Variants in ANKS3 observed in about 807,000 individuals in gnomAD.
The protein encoded by ANKS3 is ankyrin repeat and SAM domain-containing protein 3.
In ANKS3, 62 loss-of-function variants were observed where a neutral mutation model predicts 80.7. The observed-to-expected ratio is 0.77, with a 90% CI of 0.63 to 0.95. The LOEUF (loss-of-function observed/expected upper bound fraction) is 0.95. Ranked by LOEUF, ANKS3 falls within the 40% of genes least tolerant of loss-of-function variation. The pLI is 0.00. For synonymous variants in ANKS3, 489 were observed against 355.3 expected (o/e 1.38, Z -4.23); for missense variants, 1,150 against 883.6 (o/e 1.30, Z -3.82).
In ANKS3 at chr16:4,702,079, C is replaced by T. The variant is rs371759109; in HGVS notation, c.1009+23G>A. The T allele has an allele frequency of 5.6e-5, 88 of 1,557,552 alleles. No homozygotes were observed. In the East Asian group the frequency reaches 7.2e-4, roughly 13 times the overall value. On this transcript the variant is annotated intron_variant, in intron 9 of 17. Transcript: ENST00000304283. The stretch of plus-strand genomic sequence containing the variant: ...TCCAGGACCTGCCTGAGCCACGGGC[C>T]GGATGGGTGGGGGTGCACGTACCCC...
At position 4,697,041 on chromosome 16, in the gene ANKS3, C is replaced by A. The variant is rs747592487; in HGVS notation, c.1958G>T (p.Trp653Leu). Reference sequence around the variant, plus strand: ...CCGGCCCGCAGGCTAGGTCTCCCGCCACTTCTTCCCGTTCAGCACCTGCAG... The same window carrying A: ...CCGGCCCGCAGGCTAGGTCTCCCGCAACTTCTTCCCGTTCAGCACCTGCAG... ...EKLQVLNGKK[W>L]RET The change falls in exon 17 of 18, where the codon TGG (tryptophan) becomes TTG (leucine). Residue 653 changes from tryptophan to leucine, a missense_variant. Trp to Leu is a moderately conservative substitution (Grantham distance 61, BLOSUM62 -2). Coordinates refer to ENST00000304283, the MANE Select transcript of ANKS3 (RefSeq NM_133450.4). 6.2e-7 allele frequency: 1 copy of A among 1,613,838 alleles called. No individual in the cohort carries two copies. Among genetic ancestry groups the A allele is most frequent in the African/African-American group, 1.3e-5 (1 of 75,048 alleles).
In ANKS3 at chr16:4,705,110, G is replaced by T; in HGVS notation, c.853C>A (p.Pro285Thr). Residue 285 changes from proline (P) to threonine (T), a missense_variant, in exon 8 of 18, where the codon CCA becomes ACA. Physicochemically the swap from Pro to Thr is conservative, Grantham distance 38. Transcript: ENST00000304283. Reference sequence around the variant, plus strand: ...GGCCACTCACCATAGCGAGGCCGTGGGGCTCTGCCGCCCAGGCCAATGCCT... The same window carrying T: ...GGCCACTCACCATAGCGAGGCCGTGTGGCTCTGCCGCCCAGGCCAATGCCT... ...ITGIGLGGRA[P>T]RPRYEQAPPR... The T allele has an allele frequency of 6.2e-7, 1 of 1,612,658 alleles. No individual in the cohort carries two copies. Among genetic ancestry groups the T allele is most frequent in the East Asian group, 2.2e-5 (1 of 44,880 alleles).
chr16:4,711,445 G>A (rs968396918), intron 7 of ANKS3, among the ~76,000 whole-genome samples: 2 of 151,834 alleles, frequency 1.3e-5, no homozygotes, highest in African/African-American at 4.8e-5. Flanking sequence ...TTGGCCGGGT[G>A]CGGTGGCTCA....
At chr16:4,712,949 G>T (rs1231547435) in intron 7 of ANKS3, among the ~76,000 whole-genome samples, 1 of 152,026 alleles carries the variant, frequency 6.6e-6, no homozygotes. Context: ...AACAATGTAA[G>T]AATTCTGTAA....
rs553756778 is a variant in ANKS3, at chr16:4,730,246, C to G, written c.-2-95G>C. On this transcript the variant is annotated intron_variant, in intron 2 of 17. Coordinates refer to ENST00000304283, the MANE Select transcript of ANKS3 (RefSeq NM_133450.4). ...TGCCCCTGCTACACCACTGCACTAGCAGACTGATAACCCAGTGCAGTCAAC... is the reference window on the plus strand; with the variant it reads ...TGCCCCTGCTACACCACTGCACTAGGAGACTGATAACCCAGTGCAGTCAAC... The G allele has an allele frequency of 2.6e-3, 3,266 of 1,237,030 alleles. 11 individuals carry two copies. Among genetic ancestry groups the G allele is most frequent in the South Asian group, 6.4e-3 (300 of 47,082 alleles). 76.6% of individuals were successfully genotyped at this position (1,237,030 alleles called of 1,614,324 possible).
At chr16:4,712,500 G>A (rs1389158870) in intron 7 of ANKS3, among the ~76,000 whole-genome samples, 1 of 152,144 alleles carries the variant, frequency 6.6e-6, no homozygotes, top group African/African-American at 2.4e-5. Context: ...AGTACAACAT[G>A]TGGGATTTAT....
rs763336792 is a variant in ANKS3, at chr16:4,702,059, G to GGC, written c.1009+42_1009+43insGC. 3.3e-6 allele frequency: 5 copies of GGC among 1,535,676 alleles called. No individual in the cohort carries two copies. The African/African-American group carries it at 5.6e-5, about 17-fold the overall frequency. ...GGGGATGGGCACACAGGAGCTCCAG[G>GGC]ACCTGCCTGAGCCACGGGCCGGATG... On this transcript the variant is annotated intron_variant, in intron 9 of 17. Coordinates refer to ENST00000304283, the MANE Select transcript of ANKS3 (RefSeq NM_133450.4).
At chr16:4,730,757 T>G (rs544927054) in intron 2 of ANKS3, among the ~76,000 whole-genome samples, 4 of 151,738 alleles carry the variant, frequency 2.6e-5, no homozygotes, top group Non-Finnish European at 2.9e-5. Context: ...GAGGCTGAGG[T>G]AGGAGCATCA....
At chr16:4,730,187 G>C in intron 2 of ANKS3, 36 bp from the exon 3 acceptor site, 1 of 1,451,274 alleles carries the variant, frequency 6.9e-7, no homozygotes, top group South Asian at 1.5e-5. Flanking sequence ...ATCTTTCCTG[G>C]CTGGTTGTTC....
At chr16:4,719,075 C>G (rs1443104027) in intron 6 of ANKS3, among the ~76,000 whole-genome samples, 1 of 152,194 alleles carries the variant, frequency 6.6e-6, no homozygotes, top group Non-Finnish European at 1.5e-5. Context: ...TGGTTCCTGC[C>G]TGTAATCCCA....
In ANKS3 at chr16:4,721,484, A is replaced by G. The variant is rs1036794184; in HGVS notation, c.573+3266T>C. ...AAATTGGCTGGGCGTGGTGGCACGC[A>G]CCTGTAATCCCAGCTACTTGGGAGG... On this transcript the variant is annotated intron_variant, in intron 6 of 17. Transcript: ENST00000304283. Among the ~76,000 whole-genome samples the G allele has an allele frequency of 4.8e-5, 7 of 146,224 alleles. No homozygotes were observed. In the East Asian group the frequency reaches 1.2e-3, roughly 26 times the overall value.
chr16:4,714,347 C>T (rs969391770), intron 6 of ANKS3, 161 bp from the exon 7 acceptor site: 3 of 1,075,484 alleles, frequency 2.8e-6, no homozygotes, highest in South Asian at 1.6e-5. Flanking sequence ...CTTGTCTGCA[C>T]CGCAGCCACA....
intron 10 of ANKS3, 104 bp from the exon 11 acceptor site, chr16:4,701,238 C>G: frequency 6.5e-7 from 1 of 1,537,082 alleles, no homozygotes; most frequent in Non-Finnish European, 8.8e-7. Context: ...CGTGAAACCC[C>G]CCACCCGCCA....
At position 4,729,967 on chromosome 16, in the gene ANKS3, C is replaced by A. The variant is rs372922005; in HGVS notation, c.170+13G>T. The A allele has an allele frequency of 1.4e-6, 2 of 1,459,662 alleles. No homozygotes were observed. Among genetic ancestry groups the A allele is most frequent in the Middle Eastern group, 1.8e-4 (1 of 5,472 alleles). The allele number at this position is 1,459,662 out of a possible 1,614,324, so 90.4% of individuals were successfully genotyped here. A position where few individuals can be genotyped will look rare whatever the true frequency, so the allele number is the denominator to read the frequency against. On this transcript the variant is annotated intron_variant, in intron 3 of 17. Coordinates refer to ENST00000304283, the MANE Select transcript of ANKS3 (RefSeq NM_133450.4). ...GCTCAAAATGTGAGAGGAAGTTCCC[C>A]GAGATCTCTTACCGCTGCACACACT...
chr16:4,718,077 T>C (rs74356597), intron 6 of ANKS3, among the ~76,000 whole-genome samples: 1 of 135,078 alleles, frequency 7.4e-6, no homozygotes, highest in Non-Finnish European at 1.6e-5. Flanking sequence ...GCCTGGCCAA[T>C]TTTTTTTTTT....
chr16:4,699,128 C>G lies in ANKS3; in HGVS notation c.1333G>C (p.Val445Leu). 6.2e-7 allele frequency: 1 copy of G among 1,614,160 alleles called. No individual in the cohort carries two copies. The highest frequency in any genetic ancestry group is 8.5e-7 in the Non-Finnish European group (1 of 1,180,046). ...AGGTCCACGTCCTGCTCCTCAAACA[C>G]CTGCAGGTACTTCAGACACCCGATC... is the stretch of plus-strand genomic sequence containing the variant. ...EQIGCLKYLQ[V>L]FEEQDVDLRI... Residue 445 changes from valine (V) to leucine (L), a missense_variant, in exon 12 of 18, where the codon GTG (valine) becomes CTG (leucine). Val to Leu is a conservative substitution (Grantham distance 32, BLOSUM62 1). Transcript: ENST00000304283.
intron 6 of ANKS3, 66 bp downstream of exon 6, chr16:4,724,684 T>C: frequency 6.9e-7 from 1 of 1,440,464 alleles, no homozygotes; most frequent in Non-Finnish European, 9.7e-7. Flanking sequence ...TAATAGCTTA[T>C]ACTTCAGTAA....
chr16:4,720,028 G>C (rs1334265402), intron 6 of ANKS3, among the ~76,000 whole-genome samples: 1 of 149,462 alleles, frequency 6.7e-6, no homozygotes, highest in African/African-American at 2.4e-5. Context: ...TGGATATGGT[G>C]GCACACACCT....
chr16:4,697,293 A>G (rs1249067428), intron 16 of ANKS3, 40 bp downstream of exon 16: 3 of 1,569,952 alleles, frequency 1.9e-6, no homozygotes, highest in Non-Finnish European at 2.6e-6. Flanking sequence ...TCCCTCGGAA[A>G]CAAAAGGAGC....
Sources: allele counts gnomAD v4.1 joint callset (sites outside exome capture counted in the v4.1 genomes callset), GRCh38; gene constraint gnomAD v4.1.1; transcripts MANE v1.5; gene names NCBI Gene and HGNC (gene_info 2026-07-23, HGNC 2026-07-21).